Variants in ASTN2 observed in about 807,000 individuals in gnomAD.
The protein encoded by ASTN2 is astrotactin-2.
In ASTN2, 54 loss-of-function variants were observed where a neutral mutation model predicts 139.8. That is an observed-to-expected ratio of 0.39 (90% confidence interval 0.31 to 0.48). ASTN2 has a LOEUF of 0.48. Among genes scored for constraint, ASTN2 ranks in the 20% least tolerant of loss-of-function variants. The pLI is 0.95. For missense variants in ASTN2, 1,565 were observed against 1,725.1 expected (o/e 0.91, Z 1.64); for synonymous variants, 756 against 719.5 (o/e 1.05, Z -0.81).
intron 4 of ASTN2, among the ~76,000 whole-genome samples, chr9:117,137,706 C>T (rs1829985639): frequency 6.6e-6 from 1 of 151,028 alleles, no homozygotes; most frequent in South Asian, 2.1e-4. Context: ...GGAGAATTTC[C>T]AAACTTTTTT....
At chr9:116,969,300 G>T (rs1020872701) in intron 10 of ASTN2, among the ~76,000 whole-genome samples, 10 of 152,272 alleles carry the variant, frequency 6.6e-5, no homozygotes, top group Non-Finnish European at 1.2e-4. Flanking sequence ...CTTGGGCAAG[G>T]TACATAATCC....
intron 6 of ASTN2, among the ~76,000 whole-genome samples, chr9:117,035,147 G>A (rs1005923462): frequency 1.3e-5 from 2 of 152,118 alleles, no homozygotes; most frequent in Admixed American, 1.3e-4. Context: ...GGGGGTGACT[G>A]AAAAAGGATG....
At chr9:117,197,068 CA>C (rs1193114537) in intron 3 of ASTN2, 1 of 152,152 alleles carries the variant, frequency 6.6e-6, no homozygotes, top group African/African-American at 2.4e-5. Flanking sequence ...GGTATACGTA[CA>C]AAGATGTTTG....
chr9:116,441,693 G>C (rs1847843958), intron 21 of ASTN2, among the ~76,000 whole-genome samples: 1 of 152,084 alleles, frequency 6.6e-6, no homozygotes, highest in Non-Finnish European at 1.5e-5. Context: ...TAAAAGGGGA[G>C]ACTATGTCTC....
intron 17 of ASTN2, among the ~76,000 whole-genome samples, chr9:116,648,289 C>T (rs557600144): frequency 5.9e-5 from 9 of 152,086 alleles, no homozygotes; most frequent in African/African-American, 1.2e-4. Flanking sequence ...TGTGAGTCAC[C>T]GCACTTGGCC....
At chr9:117,053,543 G>A (rs762706777) in intron 5 of ASTN2, among the ~76,000 whole-genome samples, 23 of 152,134 alleles carry the variant, frequency 1.5e-4, no homozygotes, top group Non-Finnish European at 3.1e-4. Flanking sequence ...TCAGACACTT[G>A]GTTCAAGTTG....
intron 11 of ASTN2, among the ~76,000 whole-genome samples, chr9:116,829,044 A>ATGAATC (rs1831727227): frequency 6.6e-6 from 1 of 152,146 alleles, no homozygotes; most frequent in South Asian, 2.1e-4. Context: ...TCCCATGCTC[A>ATGAATC]TGAATTGGAT....
intron 7 of ASTN2, among the ~76,000 whole-genome samples, chr9:117,007,872 T>C (rs1385972026): frequency 1.3e-5 from 2 of 152,192 alleles, no homozygotes; most frequent in Non-Finnish European, 2.9e-5. Flanking sequence ...ATGTTCTCTG[T>C]GGTCCTTTCT....
At chr9:116,836,881 T>G (rs1285328089) in intron 11 of ASTN2, among the ~76,000 whole-genome samples, 1 of 150,578 alleles carries the variant, frequency 6.6e-6, no homozygotes, top group Non-Finnish European at 1.5e-5. Context: ...GAGCTAAGAA[T>G]GGCTTTTACA....
At chr9:116,936,625 A>G (rs1835091390) in intron 10 of ASTN2, among the ~76,000 whole-genome samples, 1 of 152,060 alleles carries the variant, frequency 6.6e-6, no homozygotes, top group African/African-American at 2.4e-5. Flanking sequence ...CATAACTAAC[A>G]TTTTCCAGAG....
intron 19 of ASTN2, among the ~76,000 whole-genome samples, chr9:116,504,607 G>A (rs1452111953): frequency 1.3e-5 from 2 of 151,928 alleles, no homozygotes; most frequent in Non-Finnish European, 2.9e-5. Flanking sequence ...CAGAATAACA[G>A]TGACAATTGA....
intron 10 of ASTN2, among the ~76,000 whole-genome samples, chr9:116,911,309 T>G (rs1339946446): frequency 4.6e-5 from 7 of 152,144 alleles, no homozygotes; most frequent in Admixed American, 3.3e-4. Context: ...CTGGTAAAAA[T>G]TATATTACCC....
At chr9:116,737,009 C>T (rs1828943673) in intron 13 of ASTN2, among the ~76,000 whole-genome samples, 1 of 152,148 alleles carries the variant, frequency 6.6e-6, no homozygotes, top group South Asian at 2.1e-4. Context: ...GGTTTTCCTT[C>T]CTGAGCTTCC....
At chr9:117,258,249 C>G (rs575103009) in intron 2 of ASTN2, among the ~76,000 whole-genome samples, 21 of 152,222 alleles carry the variant, frequency 1.4e-4, no homozygotes, top group African/African-American at 5.1e-4. Context: ...GGGAGAGGCC[C>G]CAGCAAAACC....
chr9:117,320,945 T>C (rs1325560028), intron 1 of ASTN2, among the ~76,000 whole-genome samples: 1 of 152,228 alleles, frequency 6.6e-6, no homozygotes, highest in Non-Finnish European at 1.5e-5. Flanking sequence ...CTTGGGGTGA[T>C]GGACAGCCTG....
chr9:116,585,839 G>C (rs943775579), intron 19 of ASTN2: 11 of 151,982 alleles, frequency 7.2e-5, no homozygotes, highest in Admixed American at 3.9e-4. Flanking sequence ...AAGAGCTTTC[G>C]CACAGCAAAA....
At chr9:116,705,809 T>C (rs753749583) in intron 16 of ASTN2, among the ~76,000 whole-genome samples, 18 of 152,120 alleles carry the variant, frequency 1.2e-4, no homozygotes, top group Non-Finnish European at 2.4e-4. Context: ...TAAAGACTGC[T>C]GAGAAGATCT....
intron 10 of ASTN2, among the ~76,000 whole-genome samples, chr9:116,893,977 C>T (rs531615405): frequency 2.6e-4 from 40 of 152,276 alleles, no homozygotes; most frequent in African/African-American, 9.6e-4. Flanking sequence ...CTGACTACCT[C>T]GCCACACAAT....
intron 16 of ASTN2, among the ~76,000 whole-genome samples, chr9:116,673,282 C>T (rs1461384364): frequency 1.3e-5 from 2 of 152,132 alleles, no homozygotes; most frequent in South Asian, 2.1e-4. Flanking sequence ...TTGTTCAAGC[C>T]ACCAAGAACC....
Sources: allele counts gnomAD v4.1 joint callset (sites outside exome capture counted in the v4.1 genomes callset), GRCh38; gene constraint gnomAD v4.1.1; transcripts MANE v1.5; gene names NCBI Gene and HGNC (gene_info 2026-07-23, HGNC 2026-07-21).